The following HAUS6 variants were observed in gnomAD, a reference collection of about 807,000 sequenced individuals.
The protein encoded by HAUS6 is HAUS augmin-like complex subunit 6.
In HAUS6, 80 loss-of-function variants were observed where a neutral mutation model predicts 106.8. That is an observed-to-expected ratio of 0.75 (90% confidence interval 0.63 to 0.90). HAUS6 has a LOEUF of 0.90. Among genes scored for constraint, HAUS6 ranks in the 40% least tolerant of loss-of-function variants. HAUS6 has a pLI of 0.00. For missense variants in HAUS6, 1,155 were observed against 1,118.1 expected (o/e 1.03, Z -0.47); for synonymous variants, 356 against 379.1 (o/e 0.94, Z 0.71).
chr9:19,066,385 A>C (rs750705853), intron 12 of HAUS6, among the ~76,000 whole-genome samples: 1 of 152,212 alleles, frequency 6.6e-6, no homozygotes, highest in Non-Finnish European at 1.5e-5. Context: ...TAGGAGAAAA[A>C]TAAAAATAGA....
At chr9:19,092,533 T>G (rs1193367695) in intron 4 of HAUS6, among the ~76,000 whole-genome samples, 1 of 147,578 alleles carries the variant, frequency 6.8e-6, no homozygotes, top group Non-Finnish European at 1.5e-5. Flanking sequence ...GAGAATCGCT[T>G]GAACCCAGGA....
At chr9:19,064,734 ACT>A (rs1303882044) in intron 12 of HAUS6, among the ~76,000 whole-genome samples, 1 of 152,158 alleles carries the variant, frequency 6.6e-6, no homozygotes, top group East Asian at 1.9e-4. Context: ...TCAAATATGC[ACT>A]CTTAGAGTCT....
intron 2 of HAUS6, among the ~76,000 whole-genome samples, chr9:19,094,785 G>A (rs1024388953): frequency 6.5e-4 from 97 of 149,338 alleles, no homozygotes; most frequent in African/African-American, 2.2e-3. Flanking sequence ...TGTCTCAAAA[G>A]AAAAAAAAAC....
chr9:19,090,451 G>A lies in HAUS6; in HGVS notation c.437-892C>T, dbSNP rs927590300. 3.3e-5 allele frequency among the ~76,000 whole-genome samples: 5 copies of A among 151,944 alleles called. 1 individual carries two copies. In the Middle Eastern group the frequency reaches 0.01, roughly 310 times the overall value. ...GTGATCTCGGCTCACTGCAACCTCC[G>A]CCTCCAGGGTTCACGCCATTCTCCT... is the stretch of plus-strand genomic sequence containing the variant. On this transcript the variant is annotated intron_variant, in intron 4 of 16. Coordinates refer to ENST00000380502, the MANE Select transcript of HAUS6 (RefSeq NM_017645.5).
At chr9:19,079,135 G>C (rs146276977) in intron 9 of HAUS6, among the ~76,000 whole-genome samples, 37 of 137,080 alleles carry the variant, frequency 2.7e-4, no homozygotes, top group African/African-American at 9.0e-4. Flanking sequence ...TTGTGCTCCA[G>C]CCTAGGCAAA....
chr9:19,085,061 G>T (rs1837257851), intron 7 of HAUS6, among the ~76,000 whole-genome samples: 1 of 152,152 alleles, frequency 6.6e-6, no homozygotes, highest in Admixed American at 6.6e-5. Context: ...CTGAGTAGGT[G>T]AAACTATAGG....
intron 3 of HAUS6, among the ~76,000 whole-genome samples, chr9:19,093,544 C>G (rs1817799655): frequency 6.6e-6 from 1 of 152,186 alleles, no homozygotes; most frequent in Admixed American, 6.5e-5. Context: ...AGGCCACTGT[C>G]TCCTCATCAC....
At chr9:19,082,817 T>A in intron 8 of HAUS6, 56 bp downstream of exon 8, 1 of 861,210 alleles carries the variant, frequency 1.2e-6, no homozygotes, top group Non-Finnish European at 1.7e-6. Flanking sequence ...TGCAAGAAAA[T>A]ATACAATTAC....
At chr9:19,095,867 A>C (rs1817850341) in intron 2 of HAUS6, among the ~76,000 whole-genome samples, 1 of 152,196 alleles carries the variant, frequency 6.6e-6, no homozygotes, top group South Asian at 2.1e-4. Context: ...ATAACAGTAG[A>C]GTAAATGTAA....
chr9:19,066,161 C>G (rs1239797927), intron 12 of HAUS6, among the ~76,000 whole-genome samples: 1 of 152,000 alleles, frequency 6.6e-6, no homozygotes, highest in Non-Finnish European at 1.5e-5. Context: ...TTCTCAAACT[C>G]CTGACCTCAG....
intron 7 of HAUS6, among the ~76,000 whole-genome samples, chr9:19,084,399 G>C (rs1187437376): frequency 2.0e-5 from 3 of 152,152 alleles, no homozygotes; most frequent in Admixed American, 2.0e-4. Flanking sequence ...GAGGATTCTA[G>C]GGTGCTGGTA....
At chr9:19,064,263 G>A (rs1836711621) in intron 12 of HAUS6, among the ~76,000 whole-genome samples, 1 of 152,032 alleles carries the variant, frequency 6.6e-6, no homozygotes, top group South Asian at 2.1e-4. Context: ...CACCACACCT[G>A]GCCCAGCAGA....
At chr9:19,069,999 G>A (rs984123822) in intron 12 of HAUS6, among the ~76,000 whole-genome samples, 1 of 151,984 alleles carries the variant, frequency 6.6e-6, no homozygotes, top group African/African-American at 2.4e-5. Context: ...GGGCTCAAGC[G>A]ATCTTCCCAC....
chr9:19,078,204 G>A lies in HAUS6; in HGVS notation c.1163C>T (p.Pro388Leu), dbSNP rs752775520. The part of the protein sequence containing the change: ...KKWKEFLGLS[P>L]FSLIKGWTPS... ...AGTCCAACCTTTAATTAGACTGAAAGGAGACAAACCAAGAAATTCTTTCCA... is the reference window on the plus strand; with the variant it reads ...AGTCCAACCTTTAATTAGACTGAAAAGAGACAAACCAAGAAATTCTTTCCA... Residue 388 changes from proline to leucine, a missense_variant, in exon 10 of 17, where the codon CCT (proline) becomes CTT (leucine). Coordinates refer to ENST00000380502, the MANE Select transcript of HAUS6 (RefSeq NM_017645.5). 5 of 1,605,942 alleles carry A rather than the reference G, an allele frequency of 3.1e-6. No individual in the cohort carries two copies. The highest frequency in any genetic ancestry group is 1.7e-5 in the Admixed American group (1 of 59,896).
In HAUS6 at chr9:19,054,822, A is replaced by G. The variant is rs1257122829; in HGVS notation, c.*1521T>C. ...AATATAATTAAATGAAATAATACAC[A>G]TTAAGTGTCTAGCAGTGGCTTTGGC... is the stretch of plus-strand genomic sequence containing the variant. On this transcript the variant is annotated 3_prime_UTR_variant, in exon 17 of 17. Coordinates refer to ENST00000380502, the MANE Select transcript of HAUS6 (RefSeq NM_017645.5). 1 of 152,230 alleles carries G rather than the reference A, an allele frequency of 6.6e-6. No individual in the cohort carries two copies. Among genetic ancestry groups the G allele is most frequent in the Non-Finnish European group, 1.5e-5 (1 of 68,042 alleles). 9.4% of individuals were successfully genotyped at this position (152,230 alleles called of 1,614,324 possible).
Position 19,065,533 on chromosome 9 carries a change from T to C in HAUS6, c.1377-1953A>G, listed in dbSNP as rs780754577. Among the ~76,000 whole-genome samples, 4 of 152,298 alleles carry C rather than the reference T, an allele frequency of 2.6e-5. No homozygotes were observed. The South Asian group carries it at 8.3e-4, about 32-fold the overall frequency. On this transcript the variant is annotated intron_variant, in intron 12 of 16. Transcript: ENST00000380502. Reference sequence around the variant, plus strand: ...GCCAAAAAAAAATCACAACCGTTTATACTATGTTAATGTTTTAAAATTTTG... The same window carrying C: ...GCCAAAAAAAAATCACAACCGTTTACACTATGTTAATGTTTTAAAATTTTG...
intron 11 of HAUS6, among the ~76,000 whole-genome samples, chr9:19,076,376 T>C (rs1179371075): frequency 6.6e-6 from 1 of 151,692 alleles, no homozygotes; most frequent in East Asian, 1.9e-4. Context: ...AAGAAAAAGT[T>C]CAAGAACTAG....
At chr9:19,092,929 A>G (rs946359064) in intron 4 of HAUS6, among the ~76,000 whole-genome samples, 1 of 151,750 alleles carries the variant, frequency 6.6e-6, no homozygotes, top group African/African-American at 2.4e-5. Flanking sequence ...AAAAAAAAAA[A>G]AAAAGAAATG....
At chr9:19,090,149 A>T (rs1033086506) in intron 4 of HAUS6, among the ~76,000 whole-genome samples, 1 of 152,056 alleles carries the variant, frequency 6.6e-6, no homozygotes, top group Non-Finnish European at 1.5e-5. Context: ...AACTAATGTT[A>T]ATGAAAGTAA....
Sources: allele counts gnomAD v4.1 joint callset (sites outside exome capture counted in the v4.1 genomes callset), GRCh38; gene constraint gnomAD v4.1.1; transcripts MANE v1.5; gene names NCBI Gene and HGNC (gene_info 2026-07-23, HGNC 2026-07-21).